The following RIMS2 variants were observed in gnomAD, a reference collection of about 807,000 sequenced individuals.
The protein encoded by RIMS2 is regulating synaptic membrane exocytosis protein 2.
Under a neutral mutation model 174.4 loss-of-function variants are expected in RIMS2, and 59 were observed. The ratio of observed to expected loss-of-function variants is 0.34; its 90% CI spans 0.27 to 0.42. The LOEUF (loss-of-function observed/expected upper bound fraction) is 0.42. RIMS2 is among the 10% of genes least tolerant of loss of function. The pLI is 1.00. For synonymous variants in RIMS2, 606 were observed against 572.5 expected (o/e 1.06, Z -0.84); for missense variants, 1,620 against 1,666.3 (o/e 0.97, Z 0.48).
At chr8:103,727,693 C>G (rs753048742) in intron 2 of RIMS2, among the ~76,000 whole-genome samples, 2 of 152,112 alleles carry the variant, frequency 1.3e-5, no homozygotes, top group Non-Finnish European at 2.9e-5. Flanking sequence ...ATTGAGGAGA[C>G]TGACATTTTC....
chr8:103,526,734 A>C (rs1834170534), intron 1 of RIMS2, among the ~76,000 whole-genome samples: 1 of 152,236 alleles, frequency 6.6e-6, no homozygotes, highest in African/African-American at 2.4e-5. Context: ...ATGTGTAATA[A>C]AGCACAGAAA....
At chr8:103,985,892 A>G (rs906309455) in intron 16 of RIMS2, among the ~76,000 whole-genome samples, 1 of 152,196 alleles carries the variant, frequency 6.6e-6, no homozygotes, top group Admixed American at 6.5e-5. Context: ...ACATGATCTA[A>G]CTTATATATA....
intron 1 of RIMS2, among the ~76,000 whole-genome samples, chr8:103,600,239 C>A (rs2094664971): frequency 6.6e-6 from 1 of 152,000 alleles, no homozygotes; most frequent in Admixed American, 6.6e-5. Context: ...AGTAGTACTC[C>A]ATTGTGTATA....
At chr8:104,138,514 C>G (rs911717654) in intron 19 of RIMS2, among the ~76,000 whole-genome samples, 1 of 152,132 alleles carries the variant, frequency 6.6e-6, no homozygotes, top group African/African-American at 2.4e-5. Flanking sequence ...TTGCATTTCT[C>G]TAATGATTAG....
At chr8:104,097,938 T>C (rs2097791288) in intron 19 of RIMS2, among the ~76,000 whole-genome samples, 1 of 152,170 alleles carries the variant, frequency 6.6e-6, no homozygotes, top group Non-Finnish European at 1.5e-5. Context: ...AAAAAAAATT[T>C]ACCTCAGAGT....
intron 1 of RIMS2, among the ~76,000 whole-genome samples, chr8:103,583,150 C>T (rs955569343): frequency 5.3e-4 from 81 of 152,276 alleles, no homozygotes; most frequent in African/African-American, 1.9e-3. Context: ...CTTGATAATC[C>T]AGAGAATTCT....
rs2094602717 is a variant in RIMS2, at chr8:103,990,318, A to T, written c.3044+897A>T. Among the ~76,000 whole-genome samples the T allele has an allele frequency of 2.0e-5, 3 of 152,160 alleles. No individual in the cohort carries two copies. In the South Asian group the frequency reaches 6.2e-4, roughly 31 times the overall value. On this transcript the variant is annotated intron_variant, in intron 17 of 23. Transcript: ENST00000504942. ...TTAATTCATGCTTAATTTCACTGTG[A>T]TTTAGTATACTTCTCCAGAACTAAA...
At chr8:103,761,362 T>C (rs901476668) in intron 2 of RIMS2, among the ~76,000 whole-genome samples, 2 of 152,270 alleles carry the variant, frequency 1.3e-5, no homozygotes, top group African/African-American at 2.4e-5. Context: ...CAATCAATTA[T>C]AGAAGGTAAA....
intron 1 of RIMS2, among the ~76,000 whole-genome samples, chr8:103,693,126 A>C (rs2097053134): frequency 6.6e-6 from 1 of 152,234 alleles, no homozygotes; most frequent in African/African-American, 2.4e-5. Flanking sequence ...GGGGTGGCTG[A>C]GTTCTGCCTG....
intron 17 of RIMS2, among the ~76,000 whole-genome samples, chr8:104,003,098 A>G (rs1286371227): frequency 1.3e-5 from 2 of 152,000 alleles, no homozygotes; most frequent in Non-Finnish European, 2.9e-5. Flanking sequence ...TACCCTACTT[A>G]TTTTTCTAGT....
exon 5 of RIMS2, chr8:103,910,148 A>G (rs909089666): frequency 1.2e-6 from 2 of 1,610,676 alleles, no homozygotes. Context: ...CATGGATTAC[A>G]ACTGGTTGGA....
At chr8:103,569,511 A>G (rs1012074077) in intron 1 of RIMS2, among the ~76,000 whole-genome samples, 19 of 152,262 alleles carry the variant, frequency 1.2e-4, no homozygotes, top group Non-Finnish European at 2.5e-4. Flanking sequence ...CTTTCCATGT[A>G]TTTAAATCTT....
intron 3 of RIMS2, among the ~76,000 whole-genome samples, chr8:103,793,252 C>T (rs2098517690): frequency 1.3e-5 from 2 of 152,176 alleles, no homozygotes; most frequent in East Asian, 3.8e-4. Context: ...TGGGCTTCAT[C>T]CCTGGGATGG....
rs370342647 is a variant in RIMS2 at position 103,918,503 on chromosome 8, G to A, written c.2083+16G>A. 1.0e-5 allele frequency: 16 copies of A among 1,575,210 alleles called. No individual in the cohort carries two copies. The highest frequency in any genetic ancestry group is 1.4e-5 in the Non-Finnish European group (16 of 1,145,916). On this transcript the variant is annotated intron_variant, in intron 9 of 23. Transcript: ENST00000504942. ...CTGGAGTCCAGTAAGTTTTATTTATGCTGGAAGAAAACGTTATTTATAATT... is the reference window on the plus strand; with the variant it reads ...CTGGAGTCCAGTAAGTTTTATTTATACTGGAAGAAAACGTTATTTATAATT...
chr8:103,807,855 T>C (rs1329692242), intron 3 of RIMS2, among the ~76,000 whole-genome samples: 1 of 152,190 alleles, frequency 6.6e-6, no homozygotes, highest in Admixed American at 6.6e-5. Flanking sequence ...TGATTAATCC[T>C]GATCTCTGTC....
intron 3 of RIMS2, among the ~76,000 whole-genome samples, chr8:103,844,308 T>C (rs2098956568): frequency 1.3e-5 from 2 of 152,222 alleles, no homozygotes; most frequent in Admixed American, 6.5e-5. Context: ...TGTGCTGTAT[T>C]TTTAGTGTGC....
chr8:104,251,110 C>T, exon 23 of RIMS2: 2 of 1,613,436 alleles, frequency 1.2e-6, no homozygotes, highest in South Asian at 1.1e-5. Flanking sequence ...GCTGGAACCC[C>T]TTTACCAGCA....
At chr8:103,903,485 G>A (rs1353556925) in intron 4 of RIMS2, among the ~76,000 whole-genome samples, 1 of 152,042 alleles carries the variant, frequency 6.6e-6, no homozygotes, top group Non-Finnish European at 1.5e-5. Context: ...ATGACAAAAT[G>A]TTGTAAATAG....
intron 15 of RIMS2, among the ~76,000 whole-genome samples, chr8:103,964,635 T>C (rs924978091): frequency 7.9e-5 from 12 of 151,386 alleles, no homozygotes; most frequent in African/African-American, 2.9e-4. Flanking sequence ...GGGATTGTCT[T>C]GACATTGTCT....
Sources: allele counts gnomAD v4.1 joint callset (sites outside exome capture counted in the v4.1 genomes callset), GRCh38; gene constraint gnomAD v4.1.1; transcripts MANE v1.5; gene names NCBI Gene and HGNC (gene_info 2026-07-23, HGNC 2026-07-21).